The following RRAD variants were observed in gnomAD, a reference collection of about 807,000 sequenced individuals.
RRAD encodes GTP-binding protein RAD.
In RRAD, 15 loss-of-function variants were observed where a neutral mutation model predicts 24.7. The observed-to-expected ratio is 0.61, with a 90% CI of 0.41 to 0.93. The LOEUF (loss-of-function observed/expected upper bound fraction) is 0.93. RRAD is among the 40% of genes least tolerant of loss of function. The pLI, the probability that RRAD is intolerant of heterozygous loss-of-function variation, is 0.00. For missense variants in RRAD, 438 were observed against 452.2 expected, an observed-to-expected ratio of 0.97 and a Z score of 0.29; for synonymous variants, 180 against 189.8, an observed-to-expected ratio of 0.95 and a Z score of 0.43.
Position 66,923,934 on chromosome 16 carries a change from A to C in RRAD, c.371-15T>G, listed in dbSNP as rs765218178. On this transcript the variant is annotated splice_polypyrimidine_tract_variant and intron_variant, in intron 2 of 4. Coordinates refer to ENST00000299759, the MANE Select transcript of RRAD (RefSeq NM_004165.3). This position sits in a 1 kb window ranked among gnomAD's most constrained non-coding sequence, Gnocchi z 4.9. ...ATAGGTGTGCCCTAGGCAGAAGGCC[A>C]GTAGACAGGTTACCAGCTGGTTGTC... 2 of 1,611,482 alleles carry C rather than the reference A, an allele frequency of 1.2e-6. No homozygotes were observed. The highest frequency in any genetic ancestry group is 1.7e-4 in the Middle Eastern group (1 of 6,052).
At position 66,924,961 on chromosome 16, in the gene RRAD, G is replaced by A. The variant is rs1435077356; in HGVS notation, c.219C>T (p.Pro73=). The A allele has an allele frequency of 2.6e-6, 4 of 1,527,196 alleles. No individual in the cohort carries two copies. The highest frequency in any genetic ancestry group is 2.6e-6 in the Non-Finnish European group (3 of 1,141,406). The allele number at this position is 1,527,196 out of a possible 1,614,324, so 94.6% of individuals were successfully genotyped here. The change falls in exon 2 of 5, where the codon CCC becomes CCT. Residue 73 remains proline (P), a synonymous_variant. Coordinates refer to ENST00000299759, the MANE Select transcript of RRAD (RefSeq NM_004165.3). The surrounding 1 kb of genome is among the most constrained non-coding windows in gnomAD (Gnocchi z 4.2). ...AGCTGAGCGAGTCCTCGGAGTCCTC[G>A]GGCCAGTCCAGCCTGGGACCCTGGG... is the stretch of plus-strand genomic sequence containing the variant. ...TGTQGPRLDW[P]EDSEDSLSSG... is the part of the protein sequence containing the mutation.
intron 4 of RRAD, 99 bp from the exon 5 acceptor site, chr16:66,922,452 T>C: frequency 7.9e-7 from 1 of 1,271,584 alleles, no homozygotes; most frequent in Non-Finnish European, 1.1e-6. Flanking sequence ...CACTCGAGAA[T>C]TTGCAAGGTC....
At position 66,922,073 on chromosome 16, in the gene RRAD, G is replaced by A. The variant is rs772102240; in HGVS notation, c.*3C>T. Reference sequence around the variant, plus strand: ...CTCCCACCATAGTGGGAGCGGGTGGGACCTAGAGAACCGAGAGGTCGTGGC... The same window carrying A: ...CTCCCACCATAGTGGGAGCGGGTGGAACCTAGAGAACCGAGAGGTCGTGGC... On this transcript the variant is annotated 3_prime_UTR_variant, in exon 5 of 5. Transcript: ENST00000299759. The A allele has an allele frequency of 4.4e-6, 7 of 1,603,926 alleles. No individual in the cohort carries two copies. The South Asian group carries it at 5.5e-5, about 13-fold the overall frequency.
In RRAD at chr16:66,922,067, G is replaced by A. The variant is rs371369481; in HGVS notation, c.*9C>T. 18 of 1,599,200 alleles carry A rather than the reference G, an allele frequency of 1.1e-5. No homozygotes were observed. The highest frequency in any genetic ancestry group is 1.4e-5 in the Non-Finnish European group (16 of 1,167,694). The stretch of plus-strand genomic sequence containing the variant: ...GTTCGTCTCCCACCATAGTGGGAGC[G>A]GGTGGGACCTAGAGAACCGAGAGGT... On this transcript the variant is annotated 3_prime_UTR_variant, in exon 5 of 5. Transcript: ENST00000299759.
At position 66,923,985 on chromosome 16, in the gene RRAD, T is replaced by C; in HGVS notation, c.371-66A>G. 4 of 1,289,190 alleles carry C rather than the reference T, an allele frequency of 3.1e-6. No individual in the cohort carries two copies. Among genetic ancestry groups the C allele is most frequent in the Non-Finnish European group, 4.5e-6 (4 of 883,762 alleles). The allele number at this position is 1,289,190 out of a possible 1,614,324, so 79.9% of individuals were successfully genotyped here. A position where few individuals can be genotyped will look rare whatever the true frequency, so the allele number is the denominator to read the frequency against. Reference sequence around the variant, plus strand: ...AAAGCCGCTGCTGCCAGGTTTCCTGTTCTGGCCACACCCTCCAACTCTTCC... The same window carrying C: ...AAAGCCGCTGCTGCCAGGTTTCCTGCTCTGGCCACACCCTCCAACTCTTCC... On this transcript the variant is annotated intron_variant, in intron 2 of 4. Coordinates refer to ENST00000299759, the MANE Select transcript of RRAD (RefSeq NM_004165.3). This position sits in a 1 kb window ranked among gnomAD's most constrained non-coding sequence, Gnocchi z 4.9.
rs540083115 is a variant in RRAD, at chr16:66,922,237, C to A, written c.766G>T (p.Asp256Tyr). The part of the protein sequence containing the change: ...GVVRQIRLRR[D>Y]SKEANARRQA... Reference sequence around the variant, plus strand: ...CGTCGTGCGTTGGCTTCTTTGCTGTCCCTGCGCAGGCGTATCTGGCGCACG... The same window carrying A: ...CGTCGTGCGTTGGCTTCTTTGCTGTACCTGCGCAGGCGTATCTGGCGCACG... The change falls in exon 5 of 5, where the codon GAC becomes TAC. Residue 256 changes from aspartate (D) to tyrosine (Y), a missense_variant. Physicochemically the swap from Asp to Tyr is radical, Grantham distance 160. Transcript: ENST00000299759. 200 of 1,614,200 alleles carry A rather than the reference C, an allele frequency of 1.2e-4. 1 individual carries two copies. In the South Asian group the frequency reaches 2.2e-3, roughly 17 times the overall value.
rs756112666 is a variant in RRAD, at chr16:66,923,599, C to T, written c.566G>A (p.Arg189His). Residue 189 changes from arginine to histidine, a missense_variant, in exon 4 of 5, where the codon CGT becomes CAT. Physicochemically the swap from Arg to His is conservative, Grantham distance 29. Transcript: ENST00000299759. The surrounding 1 kb of genome is among the most constrained non-coding windows in gnomAD (Gnocchi z 4.9). ...GGGCACATCATCTGTTTGCCGTGCA[C>T]GCCGCAGCTGGACCCGCAGTTCTGA... ...KASELRVQLR[R>H]ARQTDDVPII... The T allele has an allele frequency of 4.5e-5, 72 of 1,613,676 alleles. No individual in the cohort carries two copies. Among genetic ancestry groups the T allele is most frequent in the Middle Eastern group, 3.3e-4 (2 of 6,084 alleles).
chr16:66,924,797 T>C lies in RRAD; in HGVS notation c.370+13A>G. On this transcript the variant is annotated intron_variant, in intron 2 of 4. Transcript: ENST00000299759. This position sits in a 1 kb window ranked among gnomAD's most constrained non-coding sequence, Gnocchi z 4.2. ...CGGGATCGCCCCTCCCCTGAACAGC[T>C]GGGTCCCCTCACCTGCTGCCTCTGC... 6.6e-7 allele frequency: 1 copy of C among 1,525,644 alleles called. No individual in the cohort carries two copies. The highest frequency in any genetic ancestry group is 8.8e-7 in the Non-Finnish European group (1 of 1,133,020). 94.5% of individuals were successfully genotyped at this position (1,525,644 alleles called of 1,614,324 possible).
rs1347473597 is a variant in RRAD, at chr16:66,923,159, GT to G, written c.649+356del. Among the ~76,000 whole-genome samples the G allele has an allele frequency of 2.6e-5, 4 of 152,134 alleles. No homozygotes were observed. Among genetic ancestry groups the G allele is most frequent in the African/African-American group, 9.7e-5 (4 of 41,406 alleles). ...TGGGAAGGGTCTTCCCCAGGGCCAAGTCTACTCTAAGAATGGCCCAGACCTA... is the reference window on the plus strand; with the variant it reads ...TGGGAAGGGTCTTCCCCAGGGCCAAGCTACTCTAAGAATGGCCCAGACCTA... On this transcript the variant is annotated intron_variant, in intron 4 of 4. Transcript: ENST00000299759. This position sits in a 1 kb window ranked among gnomAD's most constrained non-coding sequence, Gnocchi z 4.9.
chr16:66,923,936 T>C lies in RRAD; in HGVS notation c.371-17A>G, dbSNP rs752765786. The C allele has an allele frequency of 5.6e-6, 9 of 1,610,278 alleles. No individual in the cohort carries two copies. The highest frequency in any genetic ancestry group is 7.7e-6 in the Non-Finnish European group (9 of 1,176,466). ...AGGTGTGCCCTAGGCAGAAGGCCAG[T>C]AGACAGGTTACCAGCTGGTTGTCAA... On this transcript the variant is annotated splice_polypyrimidine_tract_variant and intron_variant, in intron 2 of 4. Transcript: ENST00000299759. This position sits in a 1 kb window ranked among gnomAD's most constrained non-coding sequence, Gnocchi z 4.9.
chr16:66,923,369 C>G lies in RRAD; in HGVS notation c.649+147G>C. 1.4e-6 allele frequency: 1 copy of G among 699,282 alleles called. No individual in the cohort carries two copies. The highest frequency in any genetic ancestry group is 2.4e-6 in the Non-Finnish European group (1 of 420,476). 43.3% of individuals were successfully genotyped at this position (699,282 alleles called of 1,614,324 possible). A position where few individuals can be genotyped will look rare whatever the true frequency, so the allele number is the denominator to read the frequency against. On this transcript the variant is annotated intron_variant, in intron 4 of 4. Transcript: ENST00000299759. This position sits in a 1 kb window ranked among gnomAD's most constrained non-coding sequence, Gnocchi z 4.9. ...CTTCCGGAGCCCTGTGAGCAGGCAC[C>G]AGCTCTCTCCCATTTCCCTCCCCGC...
chr16:66,922,462 C>G (rs1962929710), intron 4 of RRAD, 109 bp from the exon 5 acceptor site: 1 of 1,178,720 alleles, frequency 8.5e-7, no homozygotes. Flanking sequence ...TTTGCAAGGT[C>G]CTCCCCGAAA....
Position 66,925,140 on chromosome 16 carries a change from G to C in RRAD, c.40C>G (p.Arg14Gly), listed in dbSNP as rs931159110. 4.9e-6 allele frequency: 6 copies of C among 1,226,204 alleles called. No individual in the cohort carries two copies. In the Admixed American group the frequency reaches 1.7e-4, roughly 35 times the overall value. The allele number at this position is 1,226,204 out of a possible 1,614,324, so 76.0% of individuals were successfully genotyped here. ...NGGGSGAGGS[R>G]GGGQERERRR... ...CGCTCGCGCTCCTGGCCCCCACCGCGGCTCCCGCCCGCTCCGCTGCCGCCG... is the reference window on the plus strand; with the variant it reads ...CGCTCGCGCTCCTGGCCCCCACCGCCGCTCCCGCCCGCTCCGCTGCCGCCG... The change falls in exon 2 of 5, where the codon CGC (arginine) becomes GGC (glycine). Residue 14 changes from arginine to glycine, a missense_variant. Coordinates refer to ENST00000299759, the MANE Select transcript of RRAD (RefSeq NM_004165.3). This position sits in a 1 kb window ranked among gnomAD's most constrained non-coding sequence, Gnocchi z 5.2.
Position 66,925,155 on chromosome 16 carries a change from C to T in RRAD, c.25G>A (p.Gly9Arg). The change falls in exon 2 of 5, where the codon GGA (glycine) becomes AGA (arginine). Residue 9 changes from glycine (G) to arginine (R), a missense_variant. Transcript: ENST00000299759. The surrounding 1 kb of genome is among the most constrained non-coding windows in gnomAD (Gnocchi z 5.2). The stretch of plus-strand genomic sequence containing the variant: ...CCCCCACCGCGGCTCCCGCCCGCTC[C>T]GCTGCCGCCGCCGTTCAGGGTCATC... MTLNGGGS[G>R]AGGSRGGGQE... 4 of 1,230,490 alleles carry T rather than the reference C, an allele frequency of 3.3e-6. 1 individual carries two copies. In the East Asian group the frequency reaches 9.5e-5, roughly 29 times the overall value. 76.2% of individuals were successfully genotyped at this position (1,230,490 alleles called of 1,614,324 possible).
In RRAD at chr16:66,922,135, T is replaced by C; in HGVS notation, c.868A>G (p.Ser290Gly). The C allele has an allele frequency of 1.2e-6, 2 of 1,613,326 alleles. No individual in the cohort carries two copies. The highest frequency in any genetic ancestry group is 1.1e-5 in the South Asian group (1 of 91,070). The change falls in exon 5 of 5, where the codon AGC becomes GGC. Residue 290 changes from serine to glycine, a missense_variant. Coordinates refer to ENST00000299759, the MANE Select transcript of RRAD (RefSeq NM_004165.3). ...RFLGRIVARN[S>G]RKMAFRAKSK... ...TTGGCGCGAAAGGCCATCTTGCGGC[T>C]GTTACGAGCTACGATGCGGCCCAAG...
chr16:66,924,223 T>A lies in RRAD; in HGVS notation c.371-304A>T, dbSNP rs1008016184. Among the ~76,000 whole-genome samples the A allele has an allele frequency of 6.6e-6, 1 of 152,190 alleles. No individual in the cohort carries two copies. Among genetic ancestry groups the A allele is most frequent in the African/African-American group, 2.4e-5 (1 of 41,440 alleles). On this transcript the variant is annotated intron_variant, in intron 2 of 4. Transcript: ENST00000299759. This position sits in a 1 kb window ranked among gnomAD's most constrained non-coding sequence, Gnocchi z 4.2. ...CTGATAGGCAGGGAGGGATGTCCAG[T>A]CCCATCCCACAGAGTAGCCATATCT...
Position 66,922,370 on chromosome 16 carries a change from A to G in RRAD, c.650-17T>C. ...CCCGGCCCTCTGTGTGGGTGGGGAA[A>G]GGCAGGCACCAGTAAACAAAGGGTG... On this transcript the variant is annotated splice_polypyrimidine_tract_variant and intron_variant, in intron 4 of 4. Coordinates refer to ENST00000299759, the MANE Select transcript of RRAD (RefSeq NM_004165.3). 6.4e-7 allele frequency: 1 copy of G among 1,571,860 alleles called. No individual in the cohort carries two copies. Among genetic ancestry groups the G allele is most frequent in the African/African-American group, 1.3e-5 (1 of 74,398 alleles).
rs367555340 is a variant in RRAD at position 66,923,505 on chromosome 16, C to T, written c.649+11G>A. The stretch of plus-strand genomic sequence containing the variant: ...GGCTCTCCCTCCCCCTGCAACCTGC[C>T]GCCTACTCACCATCCACCGAGACCT... On this transcript the variant is annotated intron_variant, in intron 4 of 4. Transcript: ENST00000299759. This position sits in a 1 kb window ranked among gnomAD's most constrained non-coding sequence, Gnocchi z 4.9. The T allele has an allele frequency of 4.4e-5, 71 of 1,597,192 alleles. 1 individual carries two copies. In the South Asian group the frequency reaches 6.3e-4, roughly 14 times the overall value.
rs1181112041 is a variant in RRAD, at chr16:66,923,878, C to A, written c.412G>T (p.Ala138Ser). The change falls in exon 3 of 5, where the codon GCA becomes TCA. Residue 138 changes from alanine (A) to serine (S), a missense_variant. By Grantham distance (99) the Ala-to-Ser change is moderately conservative. Transcript: ENST00000299759. The surrounding 1 kb of genome is among the most constrained non-coding windows in gnomAD (Gnocchi z 4.9). ...CAAATGTCGTAGACCATGAGTGATG[C>A]CTCTTCTCCGTCCACTACAATGGAG... ...DRSIVVDGEEASLMVYDIWEQ... is the reference protein window; with the variant it reads ...DRSIVVDGEESSLMVYDIWEQ... 1 of 1,614,130 alleles carries A rather than the reference C, an allele frequency of 6.2e-7. No homozygotes were observed. Among genetic ancestry groups the A allele is most frequent in the African/African-American group, 1.3e-5 (1 of 75,024 alleles).
Sources: gnomAD v4.1 joint callset for allele counts (sites outside exome capture counted in the v4.1 genomes callset) on GRCh38, gnomAD v4.1.1 for gene constraint, Gnocchi (gnomAD v3.1) non-coding constraint, MANE v1.5 for transcripts, NCBI Gene and HGNC (gene_info 2026-07-23, HGNC 2026-07-21) for gene names.